The following TREM2 variants were observed in gnomAD, a reference collection of about 807,000 sequenced individuals.
The protein encoded by TREM2 is triggering receptor expressed on monocytes 2.
Under a neutral mutation model 22.9 loss-of-function variants are expected in TREM2, and 20 were observed. The ratio of observed to expected loss-of-function variants is 0.87; its 90% CI spans 0.61 to 1.27. The LOEUF is 1.27. TREM2 is among the 50% of genes most tolerant of loss of function. TREM2 has a pLI of 0.00. For synonymous variants in TREM2, 111 were observed against 120.9 expected (o/e 0.92, Z 0.54); for missense variants, 267 against 289.0 (o/e 0.92, Z 0.55).
At position 41,159,078 on chromosome 6, in the gene TREM2, A is replaced by G; in HGVS notation, c.483-12T>C. 6.2e-7 allele frequency: 1 copy of G among 1,608,810 alleles called. No homozygotes were observed. Among genetic ancestry groups the G allele is most frequent in the East Asian group, 2.2e-5 (1 of 44,822 alleles). ...CTTCCAAGAGGCTCCTTGGAGAGACAAGAAGGCAGATGGGAGCCTTGAGAT... is the reference window on the plus strand; with the variant it reads ...CTTCCAAGAGGCTCCTTGGAGAGACGAGAAGGCAGATGGGAGCCTTGAGAT... On this transcript the variant is annotated splice_polypyrimidine_tract_variant and intron_variant, in intron 3 of 4. Coordinates refer to ENST00000373113, the MANE Select transcript of TREM2 (RefSeq NM_018965.4).
In TREM2 at chr6:41,161,624, G is replaced by A. The variant is rs573402783; in HGVS notation, c.41-11C>T. On this transcript the variant is annotated splice_polypyrimidine_tract_variant and intron_variant, in intron 1 of 4. Coordinates refer to ENST00000373113, the MANE Select transcript of TREM2 (RefSeq NM_018965.4). ...GGGCTCCGGACAGCTCTGGGGAGGAGACATTCATTCACTCCTTTGTTTACC... is the reference window on the plus strand; with the variant it reads ...GGGCTCCGGACAGCTCTGGGGAGGAAACATTCATTCACTCCTTTGTTTACC... 3.7e-6 allele frequency: 6 copies of A among 1,606,628 alleles called. No homozygotes were observed. The African/African-American group carries it at 8.0e-5, about 21-fold the overall frequency.
In TREM2 at chr6:41,159,842, G is replaced by C. The variant is rs754022211; in HGVS notation, c.432C>G (p.Pro144=). ...CATCCTCGAAGCTCTCAGACTCCCC[G>C]GGGAACCAGAGATCTCCAGCATCCC... is the stretch of plus-strand genomic sequence containing the variant. ...DHRDAGDLWF[P]GESESFEDAH... The change falls in exon 3 of 5, where the codon CCC becomes CCG. Residue 144 remains proline, a synonymous_variant. Coordinates refer to ENST00000373113, the MANE Select transcript of TREM2 (RefSeq NM_018965.4). The C allele has an allele frequency of 2.5e-6, 4 of 1,613,906 alleles. No homozygotes were observed. Among genetic ancestry groups the C allele is most frequent in the Non-Finnish European group, 3.4e-6 (4 of 1,179,982 alleles).
At chr6:41,161,204 G>T in intron 2 of TREM2, 59 bp downstream of exon 2, 2 of 1,517,142 alleles carry the variant, frequency 1.3e-6, no homozygotes, top group Non-Finnish European at 1.8e-6. Flanking sequence ...GCACACAGAC[G>T]CCCAAAACAT....
chr6:41,161,657 C>T (rs772459581), intron 1 of TREM2, 44 bp from the exon 2 acceptor site: 3 of 1,510,584 alleles, frequency 2.0e-6, no homozygotes, highest in Admixed American at 1.9e-5. Flanking sequence ...ACCAAATACG[C>T]TTTGAACACT....
intron 2 of TREM2, 59 bp from the exon 3 acceptor site, chr6:41,159,941 C>T: frequency 2.0e-6 from 3 of 1,482,802 alleles, no homozygotes; most frequent in Admixed American, 3.5e-5. Context: ...GGGGGAGAAC[C>T]TTGGCGGGAG....
chr6:41,158,927 G>A lies in TREM2; in HGVS notation c.622C>T (p.Pro208Ser). 1 of 1,614,252 alleles carries A rather than the reference G, an allele frequency of 6.2e-7. No individual in the cohort carries two copies. The highest frequency in any genetic ancestry group is 8.5e-7 in the Non-Finnish European group (1 of 1,180,044). ...WHGQKPGTHP[P>S]SELDCGHDPG... ...TCATGGCCACAGTCCAGTTCACTGG[G>A]TGGATGTGTCCCTGGCTTCTGTCCA... The change falls in exon 4 of 5, where the codon CCC (proline) becomes TCC (serine). Residue 208 changes from proline to serine, a missense_variant. Transcript: ENST00000373113.
intron 3 of TREM2, among the ~76,000 whole-genome samples, chr6:41,159,564 T>C (rs565396021): frequency 6.6e-6 from 1 of 152,304 alleles, no homozygotes; most frequent in South Asian, 2.1e-4. Context: ...GCAACTGCTC[T>C]TTACAAAGCA....
In TREM2 at chr6:41,161,352, T is replaced by G. The variant is rs750686409; in HGVS notation, c.302A>C (p.Gln101Pro). The change falls in exon 2 of 5, where the codon CAA (glutamine) becomes CCA (proline). Residue 101 changes from glutamine to proline, a missense_variant. Coordinates refer to ENST00000373113, the MANE Select transcript of TREM2 (RefSeq NM_018965.4). ...GTLTITLRNL[Q>P]PHDAGLYQCQ... Reference sequence around the variant, plus strand: ...CTGGTAGAGACCCGCATCATGGGGTTGTAGATTCCGCAGCGTAATGGTGAG... The same window carrying G: ...CTGGTAGAGACCCGCATCATGGGGTGGTAGATTCCGCAGCGTAATGGTGAG... 8 of 1,614,208 alleles carry G rather than the reference T, an allele frequency of 5.0e-6. No homozygotes were observed. Among genetic ancestry groups the G allele is most frequent in the Non-Finnish European group, 6.8e-6 (8 of 1,180,034 alleles).
Position 41,158,773 on chromosome 6 carries a change from T to C in TREM2, c.684A>G (p.Arg228=). 1 of 1,614,192 alleles carries C rather than the reference T, an allele frequency of 6.2e-7. No homozygotes were observed. The highest frequency in any genetic ancestry group is 8.5e-7 in the Non-Finnish European group (1 of 1,180,036). Residue 228 remains arginine (R), a synonymous_variant, in exon 5 of 5, where the codon AGA becomes AGG. Transcript: ENST00000373113. The stretch of plus-strand genomic sequence containing the variant: ...CTCCCATCATCTTCCTTCACGTGTC[T>C]CTCAGCCCTGCAATAGTCCAAGGAC... ...GYQLQTLPGL[R]DT
chr6:41,161,215 G>GAGGCC, intron 2 of TREM2, 48 bp downstream of exon 2: 1 of 1,565,438 alleles, frequency 6.4e-7, no homozygotes, highest in Non-Finnish European at 8.8e-7. Flanking sequence ...CCCAAAACAT[G>GAGGCC]AGGCCTGGAA....
At chr6:41,159,702 T>A in intron 3 of TREM2, 90 bp downstream of exon 3, 2 of 1,166,120 alleles carry the variant, frequency 1.7e-6, no homozygotes, top group Non-Finnish European at 2.6e-6. Context: ...GCCTTGTAAT[T>A]TGTAGTTCAG....
intron 2 of TREM2, 137 bp from the exon 3 acceptor site, chr6:41,160,019 A>T: frequency 1.4e-6 from 1 of 697,698 alleles, no homozygotes; most frequent in Non-Finnish European, 2.6e-6. Flanking sequence ...TACACTCCAT[A>T]AGCCTCAGTT....
Position 41,161,483 on chromosome 6 carries a change from C to T in TREM2, c.171G>A (p.Lys57=), listed in dbSNP as rs746306168. The T allele has an allele frequency of 9.3e-6, 15 of 1,614,140 alleles. No individual in the cohort carries two copies. In the South Asian group the frequency reaches 1.5e-4, roughly 17 times the overall value. The part of the protein sequence containing the change: ...RKAWCRQLGE[K]GPCQRVVSTH... ...TGCTGACCACACGCTGGCATGGGCC[C>T]TTCTCTCCCAGCTGGCGGCACCAGG... The change falls in exon 2 of 5, where the codon AAG becomes AAA. Residue 57 remains lysine (K), a synonymous_variant. Transcript: ENST00000373113.
chr6:41,161,518 T>C lies in TREM2; in HGVS notation c.136A>G (p.Arg46Gly), dbSNP rs1765566438. ...AGCTGGCGGCACCAGGCCTTGCGCC[T>C]CCCCCAGTGCTTCATGGAGTCATAG... ...CPYDSMKHWGRRKAWCRQLGE... is the reference protein window; with the variant it reads ...CPYDSMKHWGGRKAWCRQLGE... The change falls in exon 2 of 5, where the codon AGG (arginine) becomes GGG (glycine). Residue 46 changes from arginine to glycine, a missense_variant. Physicochemically the swap from Arg to Gly is moderately radical, Grantham distance 125 (BLOSUM62 -2). Transcript: ENST00000373113. 6.2e-7 allele frequency: 1 copy of C among 1,613,984 alleles called. No individual in the cohort carries two copies.
chr6:41,161,659 T>A lies in TREM2; in HGVS notation c.41-46A>T, dbSNP rs1210557907. 6 of 1,505,836 alleles carry A rather than the reference T, an allele frequency of 4.0e-6. No homozygotes were observed. In the South Asian group the frequency reaches 7.1e-5, roughly 18 times the overall value. 93.3% of individuals were successfully genotyped at this position (1,505,836 alleles called of 1,614,324 possible). On this transcript the variant is annotated intron_variant, in intron 1 of 4. Coordinates refer to ENST00000373113, the MANE Select transcript of TREM2 (RefSeq NM_018965.4). ...CACTCCTTTGTTTACCAAATACGCT[T>A]TGAACACTTGCTCTGTGCAGTGACC...
chr6:41,161,226 C>G, intron 2 of TREM2, 37 bp downstream of exon 2: 1 of 1,595,638 alleles, frequency 6.3e-7, no homozygotes, highest in Non-Finnish European at 8.6e-7. Flanking sequence ...AGGCCTGGAA[C>G]AGGGGCAGGC....
rs1484828242 is a variant in TREM2, at chr6:41,158,620, C to T, written c.*144G>A. ...CCACTCCCTCAACCAGTCCCTGCTT[C>T]CAGGGTCCAGGAGAAGCAGTGTTCA... On this transcript the variant is annotated 3_prime_UTR_variant, in exon 5 of 5. Transcript: ENST00000373113. 1 of 1,578,152 alleles carries T rather than the reference C, an allele frequency of 6.3e-7. No homozygotes were observed. Among genetic ancestry groups the T allele is most frequent in the Non-Finnish European group, 8.6e-7 (1 of 1,161,070 alleles).
intron 1 of TREM2, among the ~76,000 whole-genome samples, chr6:41,162,634 A>C (rs986812382): frequency 2.6e-5 from 4 of 152,156 alleles, no homozygotes; most frequent in African/African-American, 4.8e-5. Flanking sequence ...ATGCAGATGA[A>C]CATCCTCAGG....
At chr6:41,161,719 G>C in intron 1 of TREM2, 106 bp from the exon 2 acceptor site, 1 of 970,440 alleles carries the variant, frequency 1.0e-6, no homozygotes, top group Non-Finnish European at 1.6e-6. Context: ...AAGGAGCTTA[G>C]GTTCTTATAC....
Sources: gnomAD v4.1 joint callset for allele counts (sites outside exome capture counted in the v4.1 genomes callset) on GRCh38, gnomAD v4.1.1 for gene constraint, MANE v1.5 for transcripts, NCBI Gene and HGNC (gene_info 2026-07-23, HGNC 2026-07-21) for gene names.